DUSP15: variants seen among roughly 807,000 people sequenced by gnomAD.
DUSP15 encodes dual specificity phosphatase 15.
A neutral mutation model predicts 26.3 loss-of-function variants in DUSP15; 23 were observed. The observed-to-expected ratio is 0.87, with a 90% CI of 0.63 to 1.24. The LOEUF (loss-of-function observed/expected upper bound fraction) is 1.24, where lower values mean the gene tolerates loss of function less well. Among genes scored for constraint, DUSP15 ranks in the 50% most tolerant of loss-of-function variants. The probability of loss-of-function intolerance (pLI) is 0.00; values close to 1 mark genes in which losing one functional copy is unlikely to be tolerated. For synonymous variants in DUSP15, 143 were observed against 135.5 expected (o/e 1.06, Z -0.39); for missense variants, 364 against 320.6 (o/e 1.14, Z -1.03).
At chr20:31,869,513 C>A (rs2062864641) in intron 2 of DUSP15, 51 bp downstream of exon 2, 1 of 1,596,306 alleles carries the variant, frequency 6.3e-7, no homozygotes, top group African/African-American at 1.3e-5. Context: ...TGGACACAGG[C>A]CTGAGACAGG....
chr20:31,861,835 G>C (rs2062666875), intron 6 of DUSP15, among the ~76,000 whole-genome samples, 160 bp from the exon 7 acceptor site: 2 of 149,454 alleles, frequency 1.3e-5, no homozygotes, highest in African/African-American at 2.5e-5. Context: ...TCCCTTCTCC[G>C]GGGTTTCCAT....
intron 6 of DUSP15, among the ~76,000 whole-genome samples, chr20:31,852,185 T>C (rs1412358581): frequency 6.6e-6 from 1 of 152,058 alleles, no homozygotes. Context: ...TTTTTTGTAT[T>C]TTTAGTAGAG....
At chr20:31,850,668 T>A in exon 7 of DUSP15, 1 of 1,611,440 alleles carries the variant, frequency 6.2e-7, no homozygotes. Context: ...AGGTCCTATG[T>A]CTGGCACCCT....
At position 31,870,452 on chromosome 20, in the gene DUSP15, G is replaced by C. The variant is rs1258681913; in HGVS notation, c.-115C>G. 82 of 1,286,690 alleles carry C rather than the reference G, an allele frequency of 6.4e-5. No homozygotes were observed. The highest frequency in any genetic ancestry group is 2.6e-4 in the Middle Eastern group (1 of 3,918). 79.7% of individuals were successfully genotyped at this position (1,286,690 alleles called of 1,614,324 possible). A position where few individuals can be genotyped will look rare whatever the true frequency, so the allele number is the denominator to read the frequency against. On this transcript the variant is annotated 5_prime_UTR_variant, in exon 1 of 7. Coordinates refer to ENST00000339738, the MANE Select transcript of DUSP15 (RefSeq NM_080611.5). This position sits in a 1 kb window ranked among gnomAD's most constrained non-coding sequence, Gnocchi z 6.6. ...CCTGCAGCCTGGCGGGGAACGGGGG[G>C]CCTGGCGTCCGCGGCCCTGCCCAGC...
Position 31,861,434 on chromosome 20 carries a change from G to A in DUSP15, c.677C>T (p.Pro226Leu). ...ARVKQTFSCL[P>L]RCLSRKGGK The stretch of plus-strand genomic sequence containing the variant: ...GCCGCCCTTGCGGGACAGACACCGG[G>A]GGAGGCAAGAGAAAGTCTGCTTGAC... The change falls in exon 7 of 7, where the codon CCC becomes CTC. Residue 226 changes from proline to leucine, a missense_variant. Coordinates refer to ENST00000339738, the MANE Select transcript of DUSP15 (RefSeq NM_080611.5). 2.6e-6 allele frequency: 4 copies of A among 1,561,222 alleles called. No homozygotes were observed. Among genetic ancestry groups the A allele is most frequent in the South Asian group, 1.2e-5 (1 of 85,224 alleles).
exon 8 of DUSP15, chr20:31,849,796 A>G: frequency 6.5e-7 from 1 of 1,541,760 alleles, no homozygotes; most frequent in Non-Finnish European, 8.7e-7. Flanking sequence ...GCGGACTCAG[A>G]CGACAGCGCT....
At chr20:31,854,197 T>C (rs2062521303) in intron 6 of DUSP15, among the ~76,000 whole-genome samples, 1 of 151,278 alleles carries the variant, frequency 6.6e-6, no homozygotes, top group African/African-American at 2.5e-5. Flanking sequence ...ACTGATGAAT[T>C]GCACTCAATC....
downstream of DUSP15, among the ~76,000 whole-genome samples, chr20:31,847,162 G>T (rs1170403372): frequency 1.3e-5 from 2 of 152,106 alleles, no homozygotes; most frequent in Non-Finnish European, 2.9e-5. Flanking sequence ...TGCTCTGGAG[G>T]GCTTCATTGC....
intron 6 of DUSP15, among the ~76,000 whole-genome samples, chr20:31,853,432 T>G (rs2062508338): frequency 6.6e-6 from 1 of 151,816 alleles, no homozygotes; most frequent in Non-Finnish European, 1.5e-5. Flanking sequence ...TGATAAAAAA[T>G]TAATGGACAA....
intron 3 of DUSP15, 134 bp from the exon 4 acceptor site, chr20:31,865,136 C>T (rs2062740033): frequency 3.2e-6 from 3 of 932,672 alleles, no homozygotes; most frequent in Non-Finnish European, 5.1e-6. Context: ...CCTCTCTGTC[C>T]AAAGAAAGTA....
chr20:31,864,193 G>T (rs1342930980), intron 4 of DUSP15: 1 of 1,356,194 alleles, frequency 7.4e-7, no homozygotes, highest in Non-Finnish European at 9.5e-7. Context: ...CAGTGAGAGA[G>T]ACCAGTCAGG....
rs1442359135 is a variant in DUSP15 at position 31,861,560 on chromosome 20, G to A, written c.551C>T (p.Ser184Phe). 2 of 1,503,310 alleles carry A rather than the reference G, an allele frequency of 1.3e-6. No individual in the cohort carries two copies. The highest frequency in any genetic ancestry group is 1.2e-5 in the South Asian group (1 of 80,616). The allele number at this position is 1,503,310 out of a possible 1,614,324, so 93.1% of individuals were successfully genotyped here. A position where few individuals can be genotyped will look rare whatever the true frequency, so the allele number is the denominator to read the frequency against. ...GGCTGCTGAGTGCGGCCCGGCGGAG[G>A]AGGCCGAGGTCGCGGAGCCCTGCCG... is the stretch of plus-strand genomic sequence containing the variant. ...RCRQGSATSA[S>F]SAGPHSAASE... Residue 184 changes from serine (S) to phenylalanine (F), a missense_variant, in exon 7 of 7, where the codon TCC (serine) becomes TTC (phenylalanine). Ser to Phe is a radical substitution (Grantham distance 155). Coordinates refer to ENST00000339738, the MANE Select transcript of DUSP15 (RefSeq NM_080611.5).
chr20:31,863,962 A>G lies in DUSP15; in HGVS notation c.208T>C (p.Cys70Arg). The G allele has an allele frequency of 6.2e-7, 1 of 1,614,004 alleles. No homozygotes were observed. The highest frequency in any genetic ancestry group is 8.5e-7 in the Non-Finnish European group (1 of 1,179,956). The change falls in exon 5 of 7, where the codon TGT (cysteine) becomes CGT (arginine). Residue 70 changes from cysteine (C) to arginine (R), a missense_variant. By Grantham distance (180) the Cys-to-Arg change is radical. Transcript: ENST00000339738. ...EVPIKKHFKE[C>R]INFIHCCRLN... The stretch of plus-strand genomic sequence containing the variant: ...CGGCAGCAGTGGATGAAGTTGATAC[A>G]TTCTTTGAAGTGCTTTTTGCTAGAG...
rs112813833 is a variant in DUSP15 at position 31,850,694 on chromosome 20, G to A, written c.427-18C>T. 3.5e-3 allele frequency: 5,632 copies of A among 1,608,056 alleles called. 165 individuals are homozygous for A. In the African/African-American group the frequency reaches 0.066, roughly 19 times the overall value. On this transcript the variant is annotated intron_variant, in intron 6 of 9. Coordinates refer to the DUSP15 transcript ENST00000278979. ...CTGGCACCCTGGTGAAGGAGAGGAA[G>A]CAGTCAGGCACCATCTCACCCTGAC...
chr20:31,858,305 G>GC (rs2062595020), downstream of DUSP15, among the ~76,000 whole-genome samples: 1 of 152,160 alleles, frequency 6.6e-6, no homozygotes, highest in East Asian at 1.9e-4. The surrounding 1 kb of genome is among the most constrained non-coding windows in gnomAD (Gnocchi z 4.4). Context: ...GGAACCTCTG[G>GC]CTCTGCCATG....
chr20:31,870,374 C>T lies in DUSP15; in HGVS notation c.-37G>A, dbSNP rs2062895505. The stretch of plus-strand genomic sequence containing the variant: ...CGGCGGTCCGGGTGCACCCCCAGCT[C>T]GCCGCCCGGGAAGCGATCCGGTCAC... On this transcript the variant is annotated 5_prime_UTR_variant, in exon 1 of 7. Transcript: ENST00000339738. The surrounding 1 kb of genome is among the most constrained non-coding windows in gnomAD (Gnocchi z 6.6). The T allele has an allele frequency of 3.1e-6, 4 of 1,279,676 alleles. No homozygotes were observed. The highest frequency in any genetic ancestry group is 3.9e-6 in the Non-Finnish European group (4 of 1,013,736). The allele number at this position is 1,279,676 out of a possible 1,614,324, so 79.3% of individuals were successfully genotyped here.
At position 31,862,467 on chromosome 20, in the gene DUSP15, C is replaced by T. The variant is rs1217130375; in HGVS notation, c.435+104G>A. 13 of 1,382,090 alleles carry T rather than the reference C, an allele frequency of 9.4e-6. No homozygotes were observed. In the East Asian group the frequency reaches 1.2e-4, roughly 12 times the overall value. The allele number at this position is 1,382,090 out of a possible 1,614,324, so 85.6% of individuals were successfully genotyped here. A position where few individuals can be genotyped will look rare whatever the true frequency, so the allele number is the denominator to read the frequency against. ...ATGAGTTTGAGACCCTAGAAAAATC[C>T]GGGTCTGAGGCACAGGCTAAAAATG... On this transcript the variant is annotated intron_variant, in intron 6 of 6. Coordinates refer to ENST00000339738, the MANE Select transcript of DUSP15 (RefSeq NM_080611.5).
chr20:31,854,234 T>C (rs1034381257), intron 6 of DUSP15, among the ~76,000 whole-genome samples: 1 of 152,158 alleles, frequency 6.6e-6, no homozygotes, highest in African/African-American at 2.4e-5. Flanking sequence ...CCAGGTCTTG[T>C]TGGAAACATG....
chr20:31,870,601 C>T, upstream of DUSP15: 2 of 1,387,590 alleles, frequency 1.4e-6, no homozygotes, highest in Non-Finnish European at 9.3e-7. This position sits in a 1 kb window ranked among gnomAD's most constrained non-coding sequence, Gnocchi z 6.6. Context: ...GGGCCCCCGC[C>T]TCGGGTCGCG....
Sources: allele counts gnomAD v4.1 joint callset (sites outside exome capture counted in the v4.1 genomes callset), GRCh38; gene constraint gnomAD v4.1.1; non-coding constraint Gnocchi (gnomAD v3.1); transcripts MANE v1.5; gene names NCBI Gene and HGNC (gene_info 2026-07-23, HGNC 2026-07-21).